Variants in PROCR observed in about 807,000 individuals in gnomAD.
The protein encoded by PROCR is endothelial protein C receptor.
PROCR carries 22 observed loss-of-function variants against 24.2 expected under a neutral mutation model. The ratio of observed to expected loss-of-function variants is 0.91; its 90% confidence interval spans 0.65 to 1.30. PROCR has a LOEUF of 1.30. Among genes scored for constraint, PROCR ranks in the 50% most tolerant of loss-of-function variants. The probability of loss-of-function intolerance (pLI) is 0.00; values close to 1 mark genes in which losing one functional copy is unlikely to be tolerated. For missense variants in PROCR, 288 were observed against 307.7 expected (o/e 0.94, Z 0.48); for synonymous variants, 137 against 139.2 (o/e 0.98, Z 0.11).
intron 1 of PROCR, among the ~76,000 whole-genome samples, chr20:35,205,783 A>G (rs1234020319): frequency 2.9e-5 from 4 of 137,870 alleles, no homozygotes; most frequent in South Asian, 2.3e-4. Flanking sequence ...ATATATATAT[A>G]TATATGTATA....
chr20:35,214,097 A>T (rs11907323), intron 1 of PROCR, among the ~76,000 whole-genome samples: 10,046 of 151,626 alleles, frequency 0.066, 1,075 homozygotes, highest in African/African-American at 0.22. Flanking sequence ...TAAAATAATT[A>T]AAAAAAATTA....
intron 1 of PROCR, among the ~76,000 whole-genome samples, chr20:35,204,654 C>T (rs1179019381): frequency 6.6e-6 from 1 of 152,012 alleles, no homozygotes; most frequent in African/African-American, 2.4e-5. Flanking sequence ...GGATTACAGG[C>T]ATGCGCCACC....
rs1451185154 is a variant in PROCR, at chr20:35,174,780, TG to T, written c.155del (p.Gly52AspfsTer3). 17 of 1,613,828 alleles carry T rather than the reference TG, an allele frequency of 1.1e-5. No homozygotes were observed. The highest frequency in any genetic ancestry group is 1.6e-4 in the Middle Eastern group (1 of 6,084). ...GTGTGGTACCAGGGCAACGCGTCGC[TG>T]GGGGGACACCTAACGCACGTGCTGG... ...YHVWYQGNAS[L>X]GGHLTHVLEG... is the part of the protein sequence containing the mutation. On this transcript the variant is annotated frameshift_variant, in exon 2 of 4. Transcript: ENST00000216968. LOFTEE classifies it high-confidence loss of function.
intron 1 of PROCR, among the ~76,000 whole-genome samples, chr20:35,213,035 T>C (rs1201263933): frequency 6.6e-6 from 1 of 152,190 alleles, no homozygotes; most frequent in Non-Finnish European, 1.5e-5. Flanking sequence ...AAAATTATTA[T>C]AGGAGTCTGT....
intron 1 of PROCR, among the ~76,000 whole-genome samples, chr20:35,186,260 G>A (rs906090509): frequency 6.6e-6 from 1 of 152,122 alleles, no homozygotes; most frequent in African/African-American, 2.4e-5. Context: ...GTTACAACAC[G>A]GATGAGCCTT....
chr20:35,176,510 G>T (rs1600735216), intron 3 of PROCR, 64 bp downstream of exon 3: 1 of 1,604,040 alleles, frequency 6.2e-7, no homozygotes, highest in Non-Finnish European at 8.5e-7. Context: ...CAAATGGATG[G>T]ACCTGAAGGA....
chr20:35,176,148 C>T lies in PROCR; in HGVS notation c.323-20C>T, dbSNP rs2069952. 0.57 allele frequency: 917,895 copies of T among 1,610,778 alleles called. 267,278 individuals carry two copies. The highest frequency in any genetic ancestry group is 0.81 in the African/African-American group (60,616 of 74,844). ...GCACCCTCTCTGCACAGTCCCCTGA[C>T]CCTGACTGTCTATCCACAGTTCCTC... is the stretch of plus-strand genomic sequence containing the variant. On this transcript the variant is annotated intron_variant, in intron 2 of 3. Coordinates refer to ENST00000216968, the MANE Select transcript of PROCR (RefSeq NM_006404.5).
chr20:35,171,806 G>A (rs1482468951), upstream of PROCR, among the ~76,000 whole-genome samples: 7 of 151,924 alleles, frequency 4.6e-5, no homozygotes, highest in Non-Finnish European at 8.8e-5. Context: ...AGTCAGCGCC[G>A]GCAGGACTTC....
chr20:35,177,443 C>CTTTTTTTTTTTT (rs397865849), downstream of PROCR: 1 of 512,368 alleles, frequency 2.0e-6, no homozygotes, highest in African/African-American at 3.5e-5. Flanking sequence ...CTCACTCATT[C>CTTTTTTTTTTTT]TTTTTTTTTT....
chr20:35,174,619 G>A lies in PROCR; in HGVS notation c.71-83G>A, dbSNP rs2085987042. 1.8e-5 allele frequency: 28 copies of A among 1,579,074 alleles called. No homozygotes were observed. In the South Asian group the frequency reaches 3.1e-4, roughly 18 times the overall value. ...GAAGGGTCGAGAAGGCGGGCGGCCAGCCTCGAGGTAGGGGGTTATTATCTT... is the reference window on the plus strand; with the variant it reads ...GAAGGGTCGAGAAGGCGGGCGGCCAACCTCGAGGTAGGGGGTTATTATCTT... On this transcript the variant is annotated intron_variant, in intron 1 of 3. Transcript: ENST00000216968.
chr20:35,189,462 T>C (rs1361116567), intron 1 of PROCR, among the ~76,000 whole-genome samples: 1 of 152,148 alleles, frequency 6.6e-6, no homozygotes, highest in East Asian at 1.9e-4. Context: ...GCATGCACAG[T>C]GGGACATGGA....
chr20:35,201,070 GT>G (rs908688694), intron 1 of PROCR, among the ~76,000 whole-genome samples: 143 of 152,116 alleles, frequency 9.4e-4, no homozygotes, highest in African/African-American at 3.0e-3. Context: ...TATGCCTGTA[GT>G]TGTGAGATGT....
downstream of PROCR, among the ~76,000 whole-genome samples, chr20:35,177,709 C>T (rs1427700420): frequency 3.3e-5 from 5 of 151,960 alleles, no homozygotes; most frequent in South Asian, 2.1e-4. Context: ...TGGGATTAGA[C>T]GTGAGCCACT....
upstream of PROCR, among the ~76,000 whole-genome samples, chr20:35,171,588 T>A (rs1036188959): frequency 1.3e-5 from 2 of 152,204 alleles, no homozygotes; most frequent in Admixed American, 6.5e-5. Flanking sequence ...AGATCCCGGA[T>A]TATGTAATTG....
rs2086024485 is a variant in PROCR, at chr20:35,176,799, G to A, written c.703G>A (p.Gly235Arg). The change falls in exon 4 of 4, where the codon GGA (glycine) becomes AGA (arginine). Residue 235 changes from glycine to arginine, a missense_variant. By Grantham distance (125) the Gly-to-Arg change is moderately radical (BLOSUM62 -2). Coordinates refer to ENST00000216968, the MANE Select transcript of PROCR (RefSeq NM_006404.5). ...VAVGIFLCTG[G>R]RRC ...TGTAGGCATCTTCCTGTGCACAGGTGGACGGCGATGTTAATTACTCTCCAG... is the reference window on the plus strand; with the variant it reads ...TGTAGGCATCTTCCTGTGCACAGGTAGACGGCGATGTTAATTACTCTCCAG... The A allele has an allele frequency of 1.9e-6, 3 of 1,613,864 alleles. No homozygotes were observed. In the South Asian group the frequency reaches 3.3e-5, roughly 18 times the overall value.
chr20:35,207,417 CAT>C (rs530159551), intron 1 of PROCR, among the ~76,000 whole-genome samples: 75 of 149,760 alleles, frequency 5.0e-4, no homozygotes, highest in African/African-American at 1.8e-3. Flanking sequence ...TATATATACA[CAT>C]ATGAATATTT....
Position 35,213,262 on chromosome 20 carries a change from A to G in PROCR, c.95-2631A>G, listed in dbSNP as rs543212164. On this transcript the variant is annotated intron_variant, in intron 1 of 1. Coordinates refer to the PROCR transcript ENST00000634509. ...ACATGAGAATCGCTTGAACCAAGGA[A>G]GCAGAGGTTGCAGTGAGTTAAGATC... is the stretch of plus-strand genomic sequence containing the variant. Among the ~76,000 whole-genome samples the G allele has an allele frequency of 2.6e-5, 4 of 152,214 alleles. No individual in the cohort carries two copies. In the South Asian group the frequency reaches 8.3e-4, roughly 32 times the overall value.
chr20:35,178,507 GTTTT>G (rs1203789471), downstream of PROCR, among the ~76,000 whole-genome samples: 29 of 34,368 alleles, frequency 8.4e-4, no homozygotes, highest in African/African-American at 5.1e-3. Flanking sequence ...TCAAGTCTCA[GTTTT>G]TTTTTTTTTT....
intron 1 of PROCR, among the ~76,000 whole-genome samples, chr20:35,212,908 CTT>C (rs1010100417): frequency 6.6e-6 from 1 of 152,208 alleles, no homozygotes; most frequent in African/African-American, 2.4e-5. Flanking sequence ...ATCATGCCCT[CTT>C]TAACACTCTG....
Sources: allele counts gnomAD v4.1 joint callset (sites outside exome capture counted in the v4.1 genomes callset), GRCh38; gene constraint gnomAD v4.1.1; transcripts MANE v1.5; gene names NCBI Gene and HGNC (gene_info 2026-07-23, HGNC 2026-07-21).